SLC8A1: variants seen among roughly 807,000 people sequenced by gnomAD.
SLC8A1 encodes the protein solute carrier family 8 member A1, also known as sodium/calcium exchanger 1.
A neutral mutation model predicts 68.3 loss-of-function variants in SLC8A1; 18 were observed. The ratio of observed to expected loss-of-function variants is 0.26; its 90% CI spans 0.18 to 0.39. The LOEUF is 0.39. Among genes scored for constraint, SLC8A1 ranks in the 10% least tolerant of loss-of-function variants. The pLI is 1.00. For synonymous variants in SLC8A1, 475 were observed against 415.5 expected (o/e 1.14, Z -1.74); for missense variants, 985 against 1,156.7 (o/e 0.85, Z 2.15).
intron 2 of SLC8A1, among the ~76,000 whole-genome samples, chr2:40,258,899 C>T (rs2064308232): frequency 6.6e-6 from 1 of 151,392 alleles, no homozygotes; most frequent in African/African-American, 2.4e-5. Flanking sequence ...GATGATATCC[C>T]CCAATGGTTG....
intron 2 of SLC8A1, among the ~76,000 whole-genome samples, chr2:40,246,181 T>C (rs1299761191): frequency 6.6e-6 from 1 of 152,228 alleles, no homozygotes; most frequent in Non-Finnish European, 1.5e-5. Context: ...AGATGTAGGT[T>C]TTATAGTTGC....
chr2:40,428,737 A>T (rs1697545127), exon 2 of SLC8A1: 1 of 1,613,740 alleles, frequency 6.2e-7, no homozygotes, highest in Admixed American at 1.7e-5. Context: ...AAGTGTAGAA[A>T]CATGATTGGC....
intron 2 of SLC8A1, among the ~76,000 whole-genome samples, chr2:40,374,231 G>C (rs953711271): frequency 1.3e-5 from 2 of 152,060 alleles, no homozygotes; most frequent in Non-Finnish European, 2.9e-5. Flanking sequence ...ATGGAATAAG[G>C]CCAGGCACAG....
At chr2:40,288,864 A>AT (rs35858344) in intron 2 of SLC8A1, among the ~76,000 whole-genome samples, 3,883 of 125,608 alleles carry the variant, frequency 0.031, 193 homozygotes, top group African/African-American at 0.11. Context: ...TATATATATG[A>AT]TTTTTTTTTT....
chr2:40,482,472 G>A (rs1225860670), intron 1 of SLC8A1, among the ~76,000 whole-genome samples: 2 of 152,176 alleles, frequency 1.3e-5, no homozygotes, highest in Non-Finnish European at 2.9e-5. Context: ...GGCCTGAGAA[G>A]GAACTCATGT....
chr2:40,292,719 T>C (rs914151889), intron 2 of SLC8A1, among the ~76,000 whole-genome samples: 2 of 152,154 alleles, frequency 1.3e-5, no homozygotes, highest in East Asian at 3.9e-4. Context: ...ACCACTGTAC[T>C]TTTTTATTTG....
At chr2:40,387,541 T>C (rs922101700) in intron 2 of SLC8A1, among the ~76,000 whole-genome samples, 7 of 151,542 alleles carry the variant, frequency 4.6e-5, no homozygotes, top group Admixed American at 3.9e-4. Flanking sequence ...CTCACTGTTA[T>C]TTATCTGAAG....
chr2:40,325,017 G>A (rs1357674531), intron 2 of SLC8A1, among the ~76,000 whole-genome samples: 5 of 151,614 alleles, frequency 3.3e-5, no homozygotes, highest in Admixed American at 6.6e-5. Context: ...TCTTCTCCAA[G>A]GAATCCCCAC....
intron 1 of SLC8A1, among the ~76,000 whole-genome samples, chr2:40,492,458 C>A (rs1705381601): frequency 1.3e-5 from 2 of 152,028 alleles, no homozygotes; most frequent in Admixed American, 1.3e-4. Flanking sequence ...TCAAAAACAC[C>A]AAAAGCAATG....
At chr2:40,406,136 T>TCA (rs1439779831) in intron 2 of SLC8A1, among the ~76,000 whole-genome samples, 1 of 152,164 alleles carries the variant, frequency 6.6e-6, no homozygotes, top group African/African-American at 2.4e-5. Context: ...ATACACACAT[T>TCA]CAAATGCACA....
In SLC8A1 at chr2:40,186,880, T is replaced by C. The variant is rs149363180; in HGVS notation, c.1809-9025A>G. 2.1e-3 allele frequency among the ~76,000 whole-genome samples: 323 copies of C among 152,362 alleles called. 1 individual carries two copies. Among genetic ancestry groups the C allele is most frequent in the South Asian group, 6.8e-3 (33 of 4,830 alleles). ...AATGGTTATCATCATTTATCAAATATGGATAATGAAATTCGCAGGTTATTG... is the reference window on the plus strand; with the variant it reads ...AATGGTTATCATCATTTATCAAATACGGATAATGAAATTCGCAGGTTATTG... On this transcript the variant is annotated intron_variant, in intron 2 of 7. Transcript: ENST00000406785.
chr2:40,342,518 G>T (rs1046757866), intron 2 of SLC8A1, among the ~76,000 whole-genome samples: 2 of 152,104 alleles, frequency 1.3e-5, no homozygotes, highest in Non-Finnish European at 2.9e-5. Flanking sequence ...AAGAAAGATG[G>T]ACGAGTAAGT....
chr2:40,262,806 G>T (rs1006312130), intron 2 of SLC8A1, among the ~76,000 whole-genome samples: 3 of 152,094 alleles, frequency 2.0e-5, no homozygotes, highest in African/African-American at 7.2e-5. Context: ...AAATGATACA[G>T]ATATTATATG....
At chr2:40,171,390 A>G (rs577676226) in intron 4 of SLC8A1, among the ~76,000 whole-genome samples, 5 of 152,340 alleles carry the variant, frequency 3.3e-5, no homozygotes, top group South Asian at 2.1e-4. Context: ...AGAGAACTCT[A>G]TATCTTAGAA....
chr2:40,450,932 A>G (rs914448495), intron 1 of SLC8A1, among the ~76,000 whole-genome samples: 1 of 151,804 alleles, frequency 6.6e-6, no homozygotes, highest in South Asian at 2.1e-4. Flanking sequence ...TGCCAGCCCA[A>G]GCCATTCATC....
intron 1 of SLC8A1, among the ~76,000 whole-genome samples, chr2:40,498,065 A>T (rs1705825177): frequency 6.6e-6 from 1 of 152,012 alleles, no homozygotes; most frequent in African/African-American, 2.4e-5. Context: ...CTTAAGTAAA[A>T]AAGGGGATCT....
chr2:40,327,541 G>C (rs2075965233), intron 2 of SLC8A1, among the ~76,000 whole-genome samples: 1 of 152,008 alleles, frequency 6.6e-6, no homozygotes, highest in South Asian at 2.1e-4. Flanking sequence ...AAATGAATGA[G>C]TTTAAAATAC....
chr2:40,302,437 TTGTGTGTGTGTGTG>T (rs60780425), intron 2 of SLC8A1, among the ~76,000 whole-genome samples: 3 of 132,950 alleles, frequency 2.3e-5, no homozygotes, highest in Admixed American at 7.5e-5. Context: ...TAGTATTCCA[TTGTGTGTGTGTGTG>T]TGTGTGTGTG....
At chr2:40,420,465 C>A (rs1356101002) in intron 2 of SLC8A1, among the ~76,000 whole-genome samples, 1 of 151,808 alleles carries the variant, frequency 6.6e-6, no homozygotes, top group African/African-American at 2.4e-5. Flanking sequence ...CCAAAGCAGG[C>A]AATGACAGAA....
Sources: gnomAD v4.1 joint callset for allele counts (sites outside exome capture counted in the v4.1 genomes callset) on GRCh38, gnomAD v4.1.1 for gene constraint, MANE v1.5 for transcripts, NCBI Gene and HGNC (gene_info 2026-07-23, HGNC 2026-07-21) for gene names.